Variants in MARCHF1 observed in about 807,000 individuals in gnomAD.
The protein encoded by MARCHF1 is E3 ubiquitin-protein ligase MARCHF1.
A neutral mutation model predicts 54.2 loss-of-function variants in MARCHF1; 40 were observed. The observed-to-expected ratio is 0.74, with a 90% CI of 0.57 to 0.96. MARCHF1 has a LOEUF of 0.96. MARCHF1 is among the 40% of genes least tolerant of loss of function. The pLI is 0.00. For missense variants in MARCHF1, 586 were observed against 656.5 expected (o/e 0.89, Z 1.17); for synonymous variants, 236 against 236.3 (o/e 1.00, Z 0.01).
chr4:163,944,731 C>T (rs1266745493), intron 3 of MARCHF1, among the ~76,000 whole-genome samples: 3 of 152,148 alleles, frequency 2.0e-5, no homozygotes, highest in East Asian at 3.9e-4. Context: ...CTAAAAATCA[C>T]GTTAATTACA....
intron 4 of MARCHF1, among the ~76,000 whole-genome samples, chr4:163,727,278 G>T (rs1481692994): frequency 1.3e-5 from 2 of 151,500 alleles, no homozygotes; most frequent in Non-Finnish European, 2.9e-5. Flanking sequence ...TTCATGAAGG[G>T]TGTAGGGTTT....
chr4:163,676,751 C>T (rs1413538311), intron 5 of MARCHF1, among the ~76,000 whole-genome samples: 1 of 150,614 alleles, frequency 6.6e-6, no homozygotes, highest in African/African-American at 2.4e-5. Flanking sequence ...AGACCCTGTC[C>T]CAAAAAGAAA....
intron 1 of MARCHF1, among the ~76,000 whole-genome samples, chr4:164,117,319 T>C (rs1047109872): frequency 6.6e-6 from 1 of 151,968 alleles, no homozygotes; most frequent in Non-Finnish European, 1.5e-5. Flanking sequence ...AATATAAATT[T>C]TTGTAATAAC....
chr4:163,943,776 C>T (rs1454409674), intron 3 of MARCHF1, among the ~76,000 whole-genome samples: 3 of 148,164 alleles, frequency 2.0e-5, no homozygotes, highest in African/African-American at 7.4e-5. Flanking sequence ...AAAAAGACCA[C>T]ACCTCCATCC....
At chr4:163,696,007 T>C (rs1446333540) in intron 5 of MARCHF1, among the ~76,000 whole-genome samples, 4 of 152,146 alleles carry the variant, frequency 2.6e-5, no homozygotes, top group African/African-American at 9.7e-5. Flanking sequence ...ACATATACTA[T>C]AGTAAACCTA....
intron 4 of MARCHF1, among the ~76,000 whole-genome samples, chr4:163,702,691 T>G (rs1311478813): frequency 6.6e-6 from 1 of 152,200 alleles, no homozygotes; most frequent in Non-Finnish European, 1.5e-5. Context: ...TTCCACACTC[T>G]CTACCAGCAT....
At chr4:164,008,689 C>A (rs6841900) in intron 2 of MARCHF1, among the ~76,000 whole-genome samples, 141,861 of 152,164 alleles carry the variant, frequency 0.93, 66,913 homozygotes, top group East Asian at 1. Flanking sequence ...GGAACTCAGG[C>A]AATAGACAAA....
chr4:163,899,091 A>G (rs6536757), intron 3 of MARCHF1, among the ~76,000 whole-genome samples: 74,608 of 151,920 alleles, frequency 0.49, 18,737 homozygotes, highest in Non-Finnish European at 0.54. Context: ...TTTGGGTGAT[A>G]CCTGCACTGG....
At chr4:163,976,974 C>A (rs560610671) in intron 3 of MARCHF1, among the ~76,000 whole-genome samples, 1 of 152,034 alleles carries the variant, frequency 6.6e-6, no homozygotes, top group Non-Finnish European at 1.5e-5. Flanking sequence ...AAAAATAGTT[C>A]TGTTAAGTCA....
At chr4:164,122,191 C>G (rs952552633) in intron 1 of MARCHF1, among the ~76,000 whole-genome samples, 1 of 152,066 alleles carries the variant, frequency 6.6e-6, no homozygotes, top group African/African-American at 2.4e-5. Context: ...AAGGAACATG[C>G]CTCAACATAA....
chr4:163,629,283 C>T lies in MARCHF1; in HGVS notation c.163-15890G>A, dbSNP rs535808134. On this transcript the variant is annotated intron_variant, in intron 5 of 9. Coordinates refer to ENST00000514618, the MANE Select transcript of MARCHF1 (RefSeq NM_001394959.1). ...CTACAACCATCTGATCTTTGACAAA[C>T]CTGACAAAAACAAGCAATGGGGAAA... 2.5e-3 allele frequency among the ~76,000 whole-genome samples: 379 copies of T among 152,200 alleles called. 1 individual carries two copies. Among genetic ancestry groups the T allele is most frequent in the African/African-American group, 8.7e-3 (360 of 41,524 alleles).
At chr4:164,126,773 T>C (rs1293701184) in intron 1 of MARCHF1, among the ~76,000 whole-genome samples, 1 of 152,026 alleles carries the variant, frequency 6.6e-6, no homozygotes, top group Non-Finnish European at 1.5e-5. Context: ...CAGAAGGAAA[T>C]GAGGACTGCG....
chr4:163,897,329 CT>C (rs1404573065), intron 3 of MARCHF1, among the ~76,000 whole-genome samples: 4 of 152,188 alleles, frequency 2.6e-5, no homozygotes, highest in Admixed American at 2.0e-4. Context: ...ATTCTCACCC[CT>C]ATCTCTGTCT....
At chr4:163,904,422 G>C (rs1350530862) in intron 3 of MARCHF1, among the ~76,000 whole-genome samples, 2 of 152,272 alleles carry the variant, frequency 1.3e-5, no homozygotes, top group East Asian at 3.9e-4. Context: ...GAAGTAGATA[G>C]GGAATTTTAA....
chr4:163,894,320 C>T (rs1750727746), intron 3 of MARCHF1, among the ~76,000 whole-genome samples: 1 of 151,794 alleles, frequency 6.6e-6, no homozygotes, highest in African/African-American at 2.4e-5. Context: ...TGTAAATCAG[C>T]ACATGGGGGT....
chr4:163,808,203 G>A (rs1748279255), intron 4 of MARCHF1, among the ~76,000 whole-genome samples: 1 of 152,166 alleles, frequency 6.6e-6, no homozygotes, highest in South Asian at 2.1e-4. Context: ...AATAACTTCT[G>A]CTCACATAAA....
At chr4:163,891,296 T>C (rs1750655557) in intron 3 of MARCHF1, among the ~76,000 whole-genome samples, 1 of 152,164 alleles carries the variant, frequency 6.6e-6, no homozygotes, top group East Asian at 1.9e-4. Flanking sequence ...TAGCTCATAA[T>C]GGTGAATAAT....
chr4:163,993,257 G>A (rs1437932546), intron 2 of MARCHF1, among the ~76,000 whole-genome samples: 2 of 152,064 alleles, frequency 1.3e-5, no homozygotes, highest in Non-Finnish European at 2.9e-5. Context: ...AATCTACAAT[G>A]TAATAAAGCA....
intron 1 of MARCHF1, among the ~76,000 whole-genome samples, chr4:164,288,556 A>C (rs753165234): frequency 2.6e-5 from 4 of 152,106 alleles, no homozygotes; most frequent in Non-Finnish European, 4.4e-5. Flanking sequence ...GTATGAAAGC[A>C]AAACTAAAGA....
Sources: allele counts gnomAD v4.1 joint callset (sites outside exome capture counted in the v4.1 genomes callset), GRCh38; gene constraint gnomAD v4.1.1; transcripts MANE v1.5; gene names NCBI Gene and HGNC (gene_info 2026-07-23, HGNC 2026-07-21).